CAPSL: variants seen among roughly 807,000 people sequenced by gnomAD.
CAPSL encodes the protein calcyphosine like, also known as calcyphosin-like protein.
A neutral mutation model predicts 21.3 loss-of-function variants in CAPSL; 17 were observed. That is an observed-to-expected ratio of 0.80 (90% CI 0.55 to 1.20). The LOEUF is 1.20. Among genes scored for constraint, CAPSL ranks in the 50% most tolerant of loss-of-function variants. The pLI is 0.00. For missense variants in CAPSL, 289 were observed against 259.3 expected, an observed-to-expected ratio of 1.11 and a Z score of -0.79; for synonymous variants, 102 against 89.3, an observed-to-expected ratio of 1.14 and a Z score of -0.80.
intron 2 of CAPSL, among the ~76,000 whole-genome samples, chr5:35,914,087 CA>C (rs1738304640): frequency 6.6e-6 from 1 of 152,048 alleles, no homozygotes; most frequent in Non-Finnish European, 1.5e-5. Context: ...GACTTTAAAA[CA>C]ACAAAGATAA....
At chr5:35,931,953 G>A (rs1387345188) in intron 1 of CAPSL, among the ~76,000 whole-genome samples, 2 of 152,146 alleles carry the variant, frequency 1.3e-5, no homozygotes, top group Non-Finnish European at 2.9e-5. Flanking sequence ...TAAAGACACA[G>A]CTCTGGTGGA....
chr5:35,919,168 A>ATTAT (rs1328263175), intron 2 of CAPSL, among the ~76,000 whole-genome samples: 2 of 113,036 alleles, frequency 1.8e-5, no homozygotes, highest in African/African-American at 6.5e-5. Flanking sequence ...ATTAAAAAAA[A>ATTAT]AAATATATAT....
intron 1 of CAPSL, among the ~76,000 whole-genome samples, chr5:35,934,064 G>A (rs1738884483): frequency 6.6e-6 from 1 of 152,148 alleles, no homozygotes; most frequent in Non-Finnish European, 1.5e-5. Context: ...GTTGACTTCT[G>A]AAATATAGAA....
chr5:35,918,081 A>G (rs34442743), intron 2 of CAPSL, among the ~76,000 whole-genome samples: 64,369 of 151,920 alleles, frequency 0.42, 14,856 homozygotes, highest in East Asian at 0.74. Flanking sequence ...CACAAATACC[A>G]TTTGACCCCA....
At chr5:35,907,179 G>A (rs951136845) in intron 4 of CAPSL, among the ~76,000 whole-genome samples, 11 of 152,090 alleles carry the variant, frequency 7.2e-5, no homozygotes, top group Non-Finnish European at 1.2e-4. Flanking sequence ...ATATATACAA[G>A]GAAAGGTCCC....
At chr5:35,910,254 T>A (rs1212959348) in intron 3 of CAPSL, 112 bp downstream of exon 3, 7 of 1,247,282 alleles carry the variant, frequency 5.6e-6, no homozygotes, top group Non-Finnish European at 7.8e-6. Context: ...TTTCTGCTTA[T>A]CCCCCTCCCC....
intron 1 of CAPSL, among the ~76,000 whole-genome samples, chr5:35,924,292 T>A (rs377122436): frequency 3.3e-5 from 5 of 152,210 alleles, no homozygotes; most frequent in African/African-American, 9.7e-5. Context: ...GTTGGCAAAG[T>A]GACTTGCTCA....
intron 1 of CAPSL, among the ~76,000 whole-genome samples, chr5:35,937,450 G>T (rs965217809): frequency 4.3e-4 from 66 of 152,124 alleles, no homozygotes; most frequent in Non-Finnish European, 2.5e-4. Context: ...CTGTGCCTTT[G>T]TACATGTAGT....
At chr5:35,921,877 G>A (rs192748681) in intron 1 of CAPSL, among the ~76,000 whole-genome samples, 1 of 148,560 alleles carries the variant, frequency 6.7e-6, no homozygotes, top group Admixed American at 6.8e-5. Flanking sequence ...CTCACAGCCT[G>A]TTTCCTCCTC....
chr5:35,930,893 A>G (rs1428378640), intron 1 of CAPSL, among the ~76,000 whole-genome samples: 1 of 152,140 alleles, frequency 6.6e-6, no homozygotes, highest in East Asian at 1.9e-4. Context: ...AGAGCTCTGG[A>G]ATATCTCTCT....
chr5:35,915,496 A>C (rs374720591), intron 2 of CAPSL, among the ~76,000 whole-genome samples: 1 of 152,206 alleles, frequency 6.6e-6, no homozygotes, highest in Admixed American at 6.5e-5. Context: ...GCAGTACATC[A>C]AGAAGCTTAT....
At chr5:35,931,529 G>A (rs767164880) in intron 1 of CAPSL, among the ~76,000 whole-genome samples, 9 of 151,892 alleles carry the variant, frequency 5.9e-5, no homozygotes, top group South Asian at 2.1e-4. Flanking sequence ...ATGTCAGGGG[G>A]CATTCACTCT....
chr5:35,910,469 TA>T lies in CAPSL; in HGVS notation c.211del (p.Tyr71MetfsTer25), dbSNP rs780552356. 2 of 1,613,324 alleles carry T rather than the reference TA, an allele frequency of 1.2e-6. No individual in the cohort carries two copies. Among genetic ancestry groups the T allele is most frequent in the South Asian group, 2.2e-5 (2 of 91,052 alleles). Reference protein sequence around the residue: ...FKEFMKGLNDYAVVMEKEEVE... With the variant: ...FKEFMKGLNDXAVVMEKEEVE... ...CTCTTCTTTTTCCATGACCACAGCA[TA>T]ATCATTTAACCCTTTCATAAATTCT... On this transcript the variant is annotated frameshift_variant, in exon 3 of 5. Coordinates refer to ENST00000651391, the MANE Select transcript of CAPSL (RefSeq NM_001042625.2). LOFTEE classifies it high-confidence loss of function.
intron 1 of CAPSL, among the ~76,000 whole-genome samples, chr5:35,935,403 G>A (rs1738919460): frequency 6.6e-6 from 1 of 151,128 alleles, no homozygotes; most frequent in Non-Finnish European, 1.5e-5. Flanking sequence ...TGTCATCATA[G>A]CTCACTGCAG....
At chr5:35,925,926 A>C (rs1463922488) in intron 1 of CAPSL, among the ~76,000 whole-genome samples, 2 of 152,044 alleles carry the variant, frequency 1.3e-5, no homozygotes, top group Non-Finnish European at 2.9e-5. Context: ...ATATACAAAA[A>C]TTAGCCGGTC....
At chr5:35,920,151 C>T (rs1257625767) in intron 2 of CAPSL, among the ~76,000 whole-genome samples, 1 of 152,168 alleles carries the variant, frequency 6.6e-6, no homozygotes. Context: ...CACTCAGTAC[C>T]TTGCTGGAAG....
intron 1 of CAPSL, among the ~76,000 whole-genome samples, chr5:35,921,846 G>T (rs1223558365): frequency 6.6e-6 from 1 of 151,070 alleles, no homozygotes; most frequent in Non-Finnish European, 1.5e-5. Context: ...CATCTGCCTG[G>T]TAACCTGCCT....
At chr5:35,937,408 A>G (rs1429397558) in intron 1 of CAPSL, among the ~76,000 whole-genome samples, 1 of 152,146 alleles carries the variant, frequency 6.6e-6, no homozygotes, top group Non-Finnish European at 1.5e-5. Flanking sequence ...ACTCACTCAC[A>G]TTCCCCAAAC....
intron 1 of CAPSL, among the ~76,000 whole-genome samples, chr5:35,935,419 A>G (rs547236829): frequency 4.6e-5 from 7 of 151,658 alleles, no homozygotes; most frequent in Non-Finnish European, 7.4e-5. Context: ...TGCAGCCTCA[A>G]TCTCCTGGGC....
Sources: gnomAD v4.1 joint callset for allele counts (sites outside exome capture counted in the v4.1 genomes callset) on GRCh38, gnomAD v4.1.1 for gene constraint, MANE v1.5 for transcripts, NCBI Gene and HGNC (gene_info 2026-07-23, HGNC 2026-07-21) for gene names.